Variants in PDE4D observed in about 807,000 individuals in gnomAD.
PDE4D encodes phosphodiesterase 4D.
A neutral mutation model predicts 87.4 loss-of-function variants in PDE4D; 24 were observed. That is an observed-to-expected ratio of 0.27 (90% CI 0.20 to 0.39). The LOEUF (loss-of-function observed/expected upper bound fraction) is 0.39. PDE4D is among the 10% of genes least tolerant of loss of function. PDE4D has a pLI of 1.00. For missense variants in PDE4D, 714 were observed against 1,041.0 expected (o/e 0.69, Z 4.32); for synonymous variants, 384 against 383.2 (o/e 1.00, Z -0.02).
chr5:59,735,790 CTGAG>C (rs1346168231), intron 1 of PDE4D, among the ~76,000 whole-genome samples: 3 of 152,160 alleles, frequency 2.0e-5, no homozygotes, highest in Non-Finnish European at 4.4e-5. Flanking sequence ...CCTCAGCCTC[CTGAG>C]TAACTGAGAT....
intron 2 of PDE4D, chr5:59,215,512 A>C (rs1751025392): frequency 2.7e-6 from 1 of 367,426 alleles, no homozygotes. Flanking sequence ...TTTAATTCTC[A>C]GTTTTCCTAT....
At chr5:59,753,545 G>C (rs1242829687) in intron 1 of PDE4D, among the ~76,000 whole-genome samples, 1 of 152,130 alleles carries the variant, frequency 6.6e-6, no homozygotes, top group Admixed American at 6.5e-5. Context: ...TTTAAGAGTA[G>C]GGTTTATTAA....
At chr5:60,346,873 T>C (rs1230181754) in intron 1 of PDE4D, among the ~76,000 whole-genome samples, 1 of 152,168 alleles carries the variant, frequency 6.6e-6, no homozygotes, top group African/African-American at 2.4e-5. Context: ...ATTCCAATGA[T>C]GATATTCTGC....
chr5:59,510,157 G>A lies in PDE4D; in HGVS notation c.456-294189C>T, dbSNP rs982167764. Among the ~76,000 whole-genome samples the A allele has an allele frequency of 1.4e-4, 21 of 150,512 alleles. 1 individual carries two copies. The highest frequency in any genetic ancestry group is 5.1e-4 in the African/African-American group (21 of 41,282). On this transcript the variant is annotated intron_variant, in intron 1 of 14. Coordinates refer to ENST00000340635, the MANE Select transcript of PDE4D (RefSeq NM_001104631.2). ...ACTTCTAAATAACACTTGAGTGAGA[G>A]AAGAAATCAAAGGGATTTATAAAAT...
intron 1 of PDE4D, among the ~76,000 whole-genome samples, chr5:59,365,437 G>A (rs1244656158): frequency 6.6e-6 from 1 of 152,128 alleles, no homozygotes; most frequent in Non-Finnish European, 1.5e-5. Context: ...CAGCACTCCA[G>A]CCTGGCTGAC....
At chr5:59,116,118 T>A (rs1057056773) in intron 5 of PDE4D, among the ~76,000 whole-genome samples, 1 of 152,156 alleles carries the variant, frequency 6.6e-6, no homozygotes, top group African/African-American at 2.4e-5. Context: ...GGAAATAAAA[T>A]GGGAATCTTT....
chr5:60,123,171 T>C (rs2149382762), intron 2 of PDE4D, among the ~76,000 whole-genome samples: 1 of 152,308 alleles, frequency 6.6e-6, no homozygotes, highest in South Asian at 2.1e-4. Flanking sequence ...TCCCACATTA[T>C]TCTGTCTTCT....
At chr5:59,461,678 T>C (rs902234897) in intron 1 of PDE4D, among the ~76,000 whole-genome samples, 29 of 152,218 alleles carry the variant, frequency 1.9e-4, no homozygotes, top group Non-Finnish European at 3.5e-4. Flanking sequence ...CAAAATGTTG[T>C]AATTGGTTTA....
At chr5:60,133,046 G>A (rs898178814) in intron 2 of PDE4D, among the ~76,000 whole-genome samples, 3 of 152,274 alleles carry the variant, frequency 2.0e-5, no homozygotes, top group East Asian at 3.9e-4. Context: ...CAGATGAAGA[G>A]CTAAATAATA....
chr5:60,249,800 A>G (rs994222335), intron 1 of PDE4D, among the ~76,000 whole-genome samples: 7 of 152,040 alleles, frequency 4.6e-5, no homozygotes, highest in Admixed American at 1.3e-4. Context: ...TCACTCCTCT[A>G]TTTTAAATAA....
intron 3 of PDE4D, among the ~76,000 whole-genome samples, chr5:59,899,904 C>T (rs1381920464): frequency 2.6e-5 from 4 of 152,136 alleles, no homozygotes; most frequent in African/African-American, 9.7e-5. Flanking sequence ...TTCTGACTTG[C>T]ATTCATATAG....
intron 2 of PDE4D, among the ~76,000 whole-genome samples, chr5:60,149,172 T>C: frequency 6.6e-6 from 1 of 152,212 alleles, no homozygotes; most frequent in Non-Finnish European, 1.5e-5. Context: ...CTTAGTCCAC[T>C]TTCTGTTGCT....
At chr5:59,617,944 T>C (rs12653257) in intron 1 of PDE4D, among the ~76,000 whole-genome samples, 1 of 152,190 alleles carries the variant, frequency 6.6e-6, no homozygotes, top group East Asian at 1.9e-4. Context: ...GTCAGCTCAT[T>C]CTACTTCTAG....
intron 5 of PDE4D, among the ~76,000 whole-genome samples, chr5:59,171,481 T>C (rs1782752120): frequency 6.6e-6 from 1 of 152,302 alleles, no homozygotes; most frequent in East Asian, 1.9e-4. Context: ...TTTTCCACTG[T>C]CCATAAAATA....
At chr5:59,762,350 ATATATGTGTATATGGGTACACATGTG>A (rs1762136930) in intron 1 of PDE4D, among the ~76,000 whole-genome samples, 45 of 61,076 alleles carry the variant, frequency 7.4e-4, no homozygotes, top group African/African-American at 1.1e-3. Context: ...ACACATATGC[ATATATGTGTATATGGGTACACATGTG>A]TATATGTGTA....
At chr5:59,904,767 T>C (rs1213843729) in intron 3 of PDE4D, among the ~76,000 whole-genome samples, 2 of 152,150 alleles carry the variant, frequency 1.3e-5, no homozygotes, top group South Asian at 2.1e-4. Flanking sequence ...CTAACTCAGA[T>C]TGGAGCCCAA....
At chr5:59,199,014 G>A (rs1746116722) in intron 2 of PDE4D, among the ~76,000 whole-genome samples, 1 of 152,116 alleles carries the variant, frequency 6.6e-6, no homozygotes, top group Non-Finnish European at 1.5e-5. Context: ...AAACACACTA[G>A]GTGGCAATCT....
rs1202827142 is a variant in PDE4D at position 59,893,517 on chromosome 5, C to T, written c.106G>A (p.Glu36Lys). 1.4e-5 allele frequency: 22 copies of T among 1,541,624 alleles called. No individual in the cohort carries two copies. The highest frequency in any genetic ancestry group is 8.0e-5 in the Admixed American group (4 of 50,160). ...CGGAGCGGGTACTGGTGGTGCTGCTCGTGCCTCCAGAGATGCTTGGGGGCT... is the reference window on the plus strand; with the variant it reads ...CGGAGCGGGTACTGGTGGTGCTGCTTGTGCCTCCAGAGATGCTTGGGGGCT... ...LKAPKHLWRH[E>K]QHHQYPLRQP... Residue 36 changes from glutamate to lysine, a missense_variant, in exon 1 of 15, where the codon GAG becomes AAG. Transcript: ENST00000340635.
chr5:60,318,261 T>C (rs1755835682), intron 1 of PDE4D, among the ~76,000 whole-genome samples: 1 of 152,250 alleles, frequency 6.6e-6, no homozygotes, highest in Admixed American at 6.5e-5. Flanking sequence ...TCTCTTTTGA[T>C]CTTTGTTGGT....
Sources: allele counts gnomAD v4.1 joint callset (sites outside exome capture counted in the v4.1 genomes callset), GRCh38; gene constraint gnomAD v4.1.1; transcripts MANE v1.5; gene names NCBI Gene and HGNC (gene_info 2026-07-23, HGNC 2026-07-21).